TSPAN5: variants seen among roughly 807,000 people sequenced by gnomAD.
The protein encoded by TSPAN5 is tetraspanin 5.
Under a neutral mutation model 37.1 loss-of-function variants are expected in TSPAN5, and 10 were observed. The observed-to-expected ratio is 0.27, with a 90% CI of 0.17 to 0.46. The LOEUF is 0.46. Among genes scored for constraint, TSPAN5 ranks in the 20% least tolerant of loss-of-function variants. The pLI is 1.00. For missense variants in TSPAN5, 195 were observed against 326.6 expected, an observed-to-expected ratio of 0.60 and a Z score of 3.11; for synonymous variants, 110 against 118.9, an observed-to-expected ratio of 0.93 and a Z score of 0.48.
intron 1 of TSPAN5, among the ~76,000 whole-genome samples, chr4:98,553,804 C>T (rs561313783): frequency 1.6e-4 from 24 of 152,224 alleles, no homozygotes; most frequent in Non-Finnish European, 3.4e-4. Flanking sequence ...CGGTGGCTCA[C>T]GCCTGTAATC....
intron 7 of TSPAN5, among the ~76,000 whole-genome samples, chr4:98,475,606 C>T (rs568398432): frequency 9.8e-5 from 15 of 152,296 alleles, no homozygotes; most frequent in Admixed American, 6.5e-4. Context: ...CAGTAGGCAA[C>T]CACTATCTAA....
chr4:98,537,612 C>G (rs1002883992), intron 1 of TSPAN5, among the ~76,000 whole-genome samples: 2 of 152,210 alleles, frequency 1.3e-5, no homozygotes, highest in African/African-American at 4.8e-5. Flanking sequence ...TTAGGTAATT[C>G]ACTGAAGATC....
intron 1 of TSPAN5, among the ~76,000 whole-genome samples, chr4:98,523,672 C>CA: frequency 6.6e-6 from 1 of 152,342 alleles, no homozygotes; most frequent in South Asian, 2.1e-4. Context: ...CTCTTGGCCT[C>CA]AAGTGATCCA....
intron 1 of TSPAN5, among the ~76,000 whole-genome samples, chr4:98,630,583 C>T (rs146968948): frequency 4.6e-5 from 7 of 152,240 alleles, no homozygotes; most frequent in East Asian, 1.9e-4. Context: ...TCTCTCAACC[C>T]GGGAGACTGT....
chr4:98,641,100 T>C (rs2110277580), intron 1 of TSPAN5, among the ~76,000 whole-genome samples: 1 of 152,266 alleles, frequency 6.6e-6, no homozygotes, highest in South Asian at 2.1e-4. Context: ...TGCCTAGCAT[T>C]GGGAAGAGGA....
At chr4:98,641,079 G>A (rs1409529306) in intron 1 of TSPAN5, among the ~76,000 whole-genome samples, 1 of 152,186 alleles carries the variant, frequency 6.6e-6, no homozygotes, top group Non-Finnish European at 1.5e-5. Flanking sequence ...CTTACATGTT[G>A]TAATATTCTC....
At chr4:98,484,363 A>T (rs1752914429) in intron 3 of TSPAN5, 1 of 440,118 alleles carries the variant, frequency 2.3e-6, no homozygotes, top group South Asian at 1.6e-5. Context: ...AGCTATTTGG[A>T]GTCCTGTGGA....
At chr4:98,493,139 T>A (rs768226862) in intron 2 of TSPAN5, among the ~76,000 whole-genome samples, 1 of 152,208 alleles carries the variant, frequency 6.6e-6, no homozygotes, top group Non-Finnish European at 1.5e-5. Flanking sequence ...ATCACATCAC[T>A]GCACTCCAGC....
chr4:98,637,557 GAGCC>G (rs752028281), intron 1 of TSPAN5, among the ~76,000 whole-genome samples: 9 of 152,072 alleles, frequency 5.9e-5, no homozygotes, highest in Non-Finnish European at 1.2e-4. Flanking sequence ...TCCTATATTT[GAGCC>G]CTGGGAGTCC....
intron 1 of TSPAN5, among the ~76,000 whole-genome samples, chr4:98,609,300 T>C (rs962364661): frequency 6.6e-6 from 1 of 152,140 alleles, no homozygotes; most frequent in African/African-American, 2.4e-5. Context: ...TGGGAGTTTT[T>C]AAAGCTCCTG....
chr4:98,515,661 A>G (rs912107020), intron 1 of TSPAN5, among the ~76,000 whole-genome samples: 3 of 152,100 alleles, frequency 2.0e-5, no homozygotes, highest in Non-Finnish European at 2.9e-5. Context: ...GAGATCAGTG[A>G]TGGGGCCTGT....
chr4:98,577,464 G>A (rs78980504), intron 1 of TSPAN5, among the ~76,000 whole-genome samples: 103 of 151,820 alleles, frequency 6.8e-4, no homozygotes, highest in Non-Finnish European at 1.1e-3. Flanking sequence ...TCACAGCATC[G>A]CTCCATAATT....
Position 98,478,668 on chromosome 4 carries a change from C to A in TSPAN5, c.576+17G>T. ...TGATGTACAGAGTAGGCCAATAGTT[C>A]GCTGGCATTCACTTACTGCGGGATC... On this transcript the variant is annotated intron_variant, in intron 5 of 7. Transcript: ENST00000305798. The A allele has an allele frequency of 1.2e-6, 2 of 1,614,078 alleles. No individual in the cohort carries two copies. The highest frequency in any genetic ancestry group is 1.1e-5 in the South Asian group (1 of 91,068).
At chr4:98,641,328 A>G (rs1756959236) in intron 1 of TSPAN5, among the ~76,000 whole-genome samples, 1 of 152,204 alleles carries the variant, frequency 6.6e-6, no homozygotes, top group African/African-American at 2.4e-5. Context: ...TAAATGAAAT[A>G]TAAAAATATT....
At chr4:98,519,110 C>T (rs1035441608) in intron 1 of TSPAN5, among the ~76,000 whole-genome samples, 3 of 152,112 alleles carry the variant, frequency 2.0e-5, no homozygotes, top group Non-Finnish European at 2.9e-5. Context: ...AAGGAAGAGG[C>T]AGCCGCAGCA....
intron 1 of TSPAN5, among the ~76,000 whole-genome samples, chr4:98,599,999 C>T (rs1417881518): frequency 6.6e-6 from 1 of 152,206 alleles, no homozygotes; most frequent in East Asian, 1.9e-4. Flanking sequence ...ATGCAGGTTC[C>T]ATTCTAGACC....
chr4:98,476,163 A>C, intron 7 of TSPAN5, 26 bp downstream of exon 7: 1 of 1,551,182 alleles, frequency 6.4e-7, no homozygotes, highest in Non-Finnish European at 8.9e-7. Flanking sequence ...TTTCCCTGTG[A>C]TATCCATAAA....
At chr4:98,476,823 T>A (rs1752712528) in intron 5 of TSPAN5, among the ~76,000 whole-genome samples, 1 of 152,224 alleles carries the variant, frequency 6.6e-6, no homozygotes, top group African/African-American at 2.4e-5. Flanking sequence ...GCACAGTGAA[T>A]CTTCATGTAT....
chr4:98,565,119 A>G (rs1408938318), intron 1 of TSPAN5, among the ~76,000 whole-genome samples: 1 of 152,188 alleles, frequency 6.6e-6, no homozygotes. Context: ...GATCCTGCAC[A>G]ATATGGCTCG....
Sources: gnomAD v4.1 joint callset for allele counts (sites outside exome capture counted in the v4.1 genomes callset) on GRCh38, gnomAD v4.1.1 for gene constraint, MANE v1.5 for transcripts, NCBI Gene and HGNC (gene_info 2026-07-23, HGNC 2026-07-21) for gene names.